ABCG1: variants seen among roughly 807,000 people sequenced by gnomAD.
ABCG1 encodes ATP binding cassette subfamily G member 1, also known as ATP-binding cassette sub-family G member 1.
Under a neutral mutation model 69.2 loss-of-function variants are expected in ABCG1, and 29 were observed. The ratio of observed to expected loss-of-function variants is 0.42; its 90% CI spans 0.31 to 0.57. The LOEUF (loss-of-function observed/expected upper bound fraction) is 0.57, where lower values mean the gene tolerates loss of function less well. Among genes scored for constraint, ABCG1 ranks in the 20% least tolerant of loss-of-function variants. ABCG1 has a pLI of 0.15. For synonymous variants in ABCG1, 370 were observed against 374.8 expected (o/e 0.99, Z 0.15); for missense variants, 718 against 898.1 (o/e 0.80, Z 2.56).
At chr21:42,233,162 A>C (rs934564390) in intron 2 of ABCG1, among the ~76,000 whole-genome samples, 1 of 152,212 alleles carries the variant, frequency 6.6e-6, no homozygotes, top group African/African-American at 2.4e-5. Context: ...CCTGCAGCCA[A>C]GAGTTTCACT....
chr21:42,230,449 C>T (rs1039839343), intron 2 of ABCG1, among the ~76,000 whole-genome samples: 5 of 152,202 alleles, frequency 3.3e-5, no homozygotes, highest in Admixed American at 6.5e-5. Context: ...ACACAAACTG[C>T]GCTGGGGACA....
intron 2 of ABCG1, among the ~76,000 whole-genome samples, chr21:42,258,990 T>C (rs1172802607): frequency 6.6e-6 from 1 of 152,234 alleles, no homozygotes; most frequent in Non-Finnish European, 1.5e-5. Flanking sequence ...CGGAGCTCCT[T>C]GAGGGCATAG....
intron 1 of ABCG1, among the ~76,000 whole-genome samples, chr21:42,224,087 G>C (rs1338652769): frequency 2.0e-5 from 3 of 152,240 alleles, no homozygotes; most frequent in Non-Finnish European, 4.4e-5. Flanking sequence ...GGATTGGGTA[G>C]AACCCAGCGC....
rs200360236 is a variant in ABCG1 at position 42,225,821 on chromosome 21, C to A, written c.193C>A (p.Arg65Ser). 1.8e-5 allele frequency: 29 copies of A among 1,613,914 alleles called. No individual in the cohort carries two copies. The African/African-American group carries it at 3.3e-4, about 19-fold the overall frequency. The change falls in exon 2 of 15, where the codon CGC becomes AGC. Residue 65 changes from arginine (R) to serine (S), a missense_variant. Coordinates refer to ENST00000398449, the MANE Select transcript of ABCG1 (RefSeq NM_016818.3). ...AGATAATAACCTCACGGAAGCCCAG[C>A]GCTTCTCCTCCTTGCCTCGGAGGGC... ...KVDNNLTEAQ[R>S]FSSLPRRAAV...
chr21:42,293,124 C>T lies in ABCG1; in HGVS notation c.1654-1418C>T, dbSNP rs540247319. On this transcript the variant is annotated intron_variant, in intron 13 of 14. Transcript: ENST00000398449. ...CACGGTACACACCACACACTACACACACCACACACTACACACTACACACCA... is the reference window on the plus strand; with the variant it reads ...CACGGTACACACCACACACTACACATACCACACACTACACACTACACACCA... 1.4e-4 allele frequency among the ~76,000 whole-genome samples: 20 copies of T among 142,134 alleles called. 1 individual carries two copies. In the South Asian group the frequency reaches 4.4e-3, roughly 31 times the overall value. The allele number at this position is 142,134 out of a possible 152,430, so 93.2% of individuals were successfully genotyped here.
chr21:42,267,060 T>C lies in ABCG1; in HGVS notation c.287-4010T>C, dbSNP rs184040291. Among the ~76,000 whole-genome samples the C allele has an allele frequency of 4.0e-3, 605 of 152,344 alleles. 20 individuals carry two copies. Among genetic ancestry groups the C allele is most frequent in the Admixed American group, 0.037 (563 of 15,306 alleles). Reference sequence around the variant, plus strand: ...TAAGTTGCATCATTTCTTCTTAGCATGCAGTGCTCAGAGACAACCCAGCAA... The same window carrying C: ...TAAGTTGCATCATTTCTTCTTAGCACGCAGTGCTCAGAGACAACCCAGCAA... On this transcript the variant is annotated intron_variant, in intron 2 of 14. Transcript: ENST00000398449.
chr21:42,239,327 A>G lies in ABCG1; in HGVS notation c.286+13413A>G, dbSNP rs143745093. 1.5e-3 allele frequency among the ~76,000 whole-genome samples: 221 copies of G among 152,392 alleles called. 1 individual carries two copies. Among genetic ancestry groups the G allele is most frequent in the Non-Finnish European group, 2.4e-3 (163 of 68,046 alleles). ...GCACTGTGACCAGCTTGTGGCACTT[A>G]ATAAACCATGGCTACCCTTCTTATA... On this transcript the variant is annotated intron_variant, in intron 2 of 14. Transcript: ENST00000398449.
chr21:42,251,644 G>A (rs1255953727), intron 2 of ABCG1, among the ~76,000 whole-genome samples: 5 of 152,078 alleles, frequency 3.3e-5, no homozygotes, highest in East Asian at 3.9e-4. Context: ...GAGGCGAGGC[G>A]GGGGGAATGG....
chr21:42,271,724 A>G (rs1163792272), intron 3 of ABCG1, among the ~76,000 whole-genome samples: 4 of 152,158 alleles, frequency 2.6e-5, no homozygotes, highest in Non-Finnish European at 5.9e-5. Context: ...TCTACTGAAG[A>G]TACAGAAAAA....
In ABCG1 at chr21:42,273,187, T is replaced by A. The variant is rs918580389; in HGVS notation, c.405-116T>A. On this transcript the variant is annotated intron_variant, in intron 3 of 14. Coordinates refer to ENST00000398449, the MANE Select transcript of ABCG1 (RefSeq NM_016818.3). The surrounding 1 kb of genome is among the most constrained non-coding windows in gnomAD (Gnocchi z 5.3). ...CCTCGGGGTCCCCGTGGCCAGTGGTTCAGCTGGGAAGATGCTGGGAGGCAA... is the reference window on the plus strand; with the variant it reads ...CCTCGGGGTCCCCGTGGCCAGTGGTACAGCTGGGAAGATGCTGGGAGGCAA... 3.5e-6 allele frequency: 5 copies of A among 1,436,338 alleles called. No individual in the cohort carries two copies. The highest frequency in any genetic ancestry group is 4.7e-6 in the Non-Finnish European group (5 of 1,070,194). 89.0% of individuals were successfully genotyped at this position (1,436,338 alleles called of 1,614,324 possible).
At position 42,258,762 on chromosome 21, in the gene ABCG1, G is replaced by C. The variant is rs555223107; in HGVS notation, c.287-12308G>C. On this transcript the variant is annotated intron_variant, in intron 2 of 14. Transcript: ENST00000398449. The stretch of plus-strand genomic sequence containing the variant: ...CCTGCTGGCAGCTGCTGTAAGACTC[G>C]GGATGAGGGCTGCCCCCTGCAGGTG... Among the ~76,000 whole-genome samples, 65 of 152,318 alleles carry C rather than the reference G, an allele frequency of 4.3e-4. 2 individuals are homozygous for C. Among genetic ancestry groups the C allele is most frequent in the Admixed American group, 8.5e-4 (13 of 15,302 alleles).
intron 2 of ABCG1, chr21:42,259,416 G>A: frequency 1.9e-6 from 3 of 1,549,990 alleles, no homozygotes; most frequent in Non-Finnish European, 2.6e-6. Context: ...AAATGTCTGT[G>A]ATTCAGCTCT....
rs939264047 is a variant in ABCG1, at chr21:42,272,729, C to T, written c.405-574C>T. On this transcript the variant is annotated intron_variant, in intron 3 of 14. Coordinates refer to ENST00000398449, the MANE Select transcript of ABCG1 (RefSeq NM_016818.3). The stretch of plus-strand genomic sequence containing the variant: ...GTGTGCCTGGTGAGGCCGTGCCTGC[C>T]TTGCATGAGCACCTGGGAGGCTCTC... Among the ~76,000 whole-genome samples, 4 of 152,320 alleles carry T rather than the reference C, an allele frequency of 2.6e-5. No homozygotes were observed. The South Asian group carries it at 6.2e-4, about 24-fold the overall frequency.
intron 1 of ABCG1, among the ~76,000 whole-genome samples, chr21:42,221,566 T>A (rs2067727849): frequency 6.6e-6 from 1 of 152,212 alleles, no homozygotes; most frequent in African/African-American, 2.4e-5. Context: ...GGATTCCAAG[T>A]GACCCCTCAA....
intron 2 of ABCG1, among the ~76,000 whole-genome samples, chr21:42,204,929 G>A (rs566133109): frequency 5.3e-5 from 8 of 152,034 alleles, no homozygotes; most frequent in Middle Eastern, 3.4e-3. Flanking sequence ...GGAGGAGATT[G>A]CCTAGAATTA....
chr21:42,212,795 A>G (rs1281799285), upstream of ABCG1, among the ~76,000 whole-genome samples: 7 of 149,160 alleles, frequency 4.7e-5, no homozygotes, highest in Non-Finnish European at 8.9e-5. Context: ...CCGGGTTCAC[A>G]CCATTCTCCT....
chr21:42,219,429 A>G lies in ABCG1; in HGVS notation c.42+125A>G. 5 of 1,366,728 alleles carry G rather than the reference A, an allele frequency of 3.7e-6. No individual in the cohort carries two copies. The highest frequency in any genetic ancestry group is 5.7e-5 in the East Asian group (2 of 35,094). 84.7% of individuals were successfully genotyped at this position (1,366,728 alleles called of 1,614,324 possible). A position where few individuals can be genotyped will look rare whatever the true frequency, so the allele number is the denominator to read the frequency against. ...GAGCGCGTCCTCTGGGCGCTGACCC[A>G]GGGCACCCTAGAGTGGCGCCCGGCT... On this transcript the variant is annotated intron_variant, in intron 1 of 14. Coordinates refer to ENST00000398449, the MANE Select transcript of ABCG1 (RefSeq NM_016818.3). This position sits in a 1 kb window ranked among gnomAD's most constrained non-coding sequence, Gnocchi z 5.3.
intron 2 of ABCG1, chr21:42,260,000 A>G (rs896761673): frequency 6.7e-7 from 1 of 1,483,378 alleles, no homozygotes; most frequent in Admixed American, 2.1e-5. Context: ...CCAGTGCGGC[A>G]TCCTGCACGT....
At chr21:42,256,119 T>C in intron 2 of ABCG1, 1 of 1,345,696 alleles carries the variant, frequency 7.4e-7, no homozygotes, top group Non-Finnish European at 9.5e-7. Context: ...GCCCGTGACC[T>C]TCCCAAGCCT....
Sources: gnomAD v4.1 joint callset for allele counts (sites outside exome capture counted in the v4.1 genomes callset) on GRCh38, gnomAD v4.1.1 for gene constraint, Gnocchi (gnomAD v3.1) non-coding constraint, MANE v1.5 for transcripts, NCBI Gene and HGNC (gene_info 2026-07-23, HGNC 2026-07-21) for gene names.